TRIM14: variants seen among roughly 807,000 people sequenced by gnomAD.
The protein encoded by TRIM14 is tripartite motif-containing protein 14.
Under a neutral mutation model 44.5 loss-of-function variants are expected in TRIM14, and 28 were observed. That is an observed-to-expected ratio of 0.63 (90% CI 0.47 to 0.86). TRIM14 has a LOEUF of 0.86. Among genes scored for constraint, TRIM14 ranks in the 40% least tolerant of loss-of-function variants. The pLI is 0.00. For synonymous variants in TRIM14, 299 were observed against 269.2 expected (o/e 1.11, Z -1.08); for missense variants, 607 against 611.1 (o/e 0.99, Z 0.07).
downstream of TRIM14, chr9:98,080,745 T>C (rs1829815434): frequency 1.3e-6 from 2 of 1,501,390 alleles, no homozygotes; most frequent in Non-Finnish European, 1.8e-6. Flanking sequence ...CTCAACCAGA[T>C]ACGCTTCACC....
intron 6 of TRIM14, among the ~76,000 whole-genome samples, chr9:98,074,035 C>T (rs2117889254): frequency 6.6e-6 from 1 of 152,264 alleles, no homozygotes; most frequent in East Asian, 1.9e-4. Flanking sequence ...ATCCTCCTGC[C>T]TTGGCCTCCC....
intron 2 of TRIM14, among the ~76,000 whole-genome samples, chr9:98,108,635 A>G (rs1225645868): frequency 6.6e-6 from 1 of 151,872 alleles, no homozygotes; most frequent in East Asian, 2.0e-4. Flanking sequence ...GGTACTGTCT[A>G]TCTCCTAGCC....
rs138888915 is a variant in TRIM14, at chr9:98,074,069, G to A, written c.*29-4382C>T. On this transcript the variant is annotated intron_variant, in intron 6 of 6. Coordinates refer to the TRIM14 transcript ENST00000375098. ...CCAAAGTGCTGGGATTACAGGCATG[G>A]GCTACCATGCCTGGCCAGAATTAAT... Among the ~76,000 whole-genome samples the A allele has an allele frequency of 7.0e-3, 1,070 of 152,242 alleles. 8 individuals are homozygous for A. Among genetic ancestry groups the A allele is most frequent in the African/African-American group, 0.024 (1,012 of 41,534 alleles).
At chr9:98,060,313 C>A in the TRIM14 span, among the ~76,000 whole-genome samples, 8 of 152,146 alleles carry the variant, frequency 5.3e-5, no homozygotes. Flanking sequence ...GACTTTCTTG[C>A]CTTTTCTGTT....
the TRIM14 span, among the ~76,000 whole-genome samples, chr9:98,039,157 T>G: frequency 6.6e-6 from 1 of 152,126 alleles, no homozygotes; most frequent in South Asian, 2.1e-4. Context: ...CTCCCTCTTA[T>G]TTTTACTTTT....
Position 98,087,532 on chromosome 9 carries a change from C to T in TRIM14, c.1267G>A (p.Glu423Lys). 2 of 1,597,746 alleles carry T rather than the reference C, an allele frequency of 1.3e-6. No individual in the cohort carries two copies. The highest frequency in any genetic ancestry group is 1.1e-5 in the South Asian group (1 of 89,878). The change falls in exon 6 of 6, where the codon GAG becomes AAG. Residue 423 changes from glutamate (E) to lysine (K), a missense_variant. Coordinates refer to ENST00000341469, the MANE Select transcript of TRIM14 (RefSeq NM_014788.4). ...HLHTFRATFQ[E>K]PLYPALRLWE... Reference sequence around the variant, plus strand: ...AGCCGCAGGGCCGGGTAGAGCGGCTCCTGGAACGTGGCGCGGAAGGTATGC... The same window carrying T: ...AGCCGCAGGGCCGGGTAGAGCGGCTTCTGGAACGTGGCGCGGAAGGTATGC...
the TRIM14 span, among the ~76,000 whole-genome samples, chr9:98,055,975 G>A: frequency 2.0e-5 from 3 of 152,010 alleles, no homozygotes; most frequent in East Asian, 5.8e-4. Flanking sequence ...CCTGACCTCA[G>A]GTGATCTGCC....
At chr9:98,037,332 C>G in the TRIM14 span, among the ~76,000 whole-genome samples, 41,004 of 151,900 alleles carry the variant, frequency 0.27, 5,735 homozygotes, top group Admixed American at 0.31. Context: ...GAGCTGAGAT[C>G]GTGCCACTGC....
chr9:98,089,436 C>CA (rs998637377), intron 5 of TRIM14, among the ~76,000 whole-genome samples: 2 of 152,202 alleles, frequency 1.3e-5, no homozygotes, highest in African/African-American at 4.8e-5. Context: ...CTCAGCCTCC[C>CA]AAAGTGCTGT....
intron 2 of TRIM14, among the ~76,000 whole-genome samples, chr9:98,100,599 A>G (rs1826353611): frequency 6.6e-6 from 1 of 152,210 alleles, no homozygotes; most frequent in Admixed American, 6.5e-5. Context: ...CAATAAAGAG[A>G]AAACTGATAA....
At chr9:98,050,006 A>T in the TRIM14 span, among the ~76,000 whole-genome samples, 1 of 152,214 alleles carries the variant, frequency 6.6e-6, no homozygotes, top group East Asian at 1.9e-4. Flanking sequence ...GTAGAAGAAG[A>T]TTTATGGACA....
At chr9:98,037,381 C>T in the TRIM14 span, among the ~76,000 whole-genome samples, 3 of 151,762 alleles carry the variant, frequency 2.0e-5, no homozygotes, top group Admixed American at 6.6e-5. Context: ...CCATCTCAAA[C>T]AAACAAACAA....
chr9:98,078,148 C>T (rs1404549690), intron 6 of TRIM14: 1 of 1,613,044 alleles, frequency 6.2e-7, no homozygotes, highest in Non-Finnish European at 8.5e-7. Flanking sequence ...AGAGTCAGAA[C>T]CTCTAAAGAG....
At chr9:98,099,310 C>T (rs1184624168) in intron 3 of TRIM14, among the ~76,000 whole-genome samples, 7 of 151,800 alleles carry the variant, frequency 4.6e-5, no homozygotes, top group African/African-American at 1.2e-4. Context: ...AAATTAGCCA[C>T]GCATGGTGGC....
intron 1 of TRIM14, among the ~76,000 whole-genome samples, 195 bp downstream of exon 1, chr9:98,118,787 G>A (rs1564194023): frequency 6.6e-6 from 1 of 152,184 alleles, no homozygotes; most frequent in African/African-American, 2.4e-5. Flanking sequence ...GCTTTGGCTC[G>A]CCTTTGCCCT....
At chr9:98,061,366 A>C in the TRIM14 span, 5 of 217,006 alleles carry the variant, frequency 2.3e-5, no homozygotes, top group African/African-American at 6.9e-5. Context: ...AATCCCAGTT[A>C]CTTGGGAGGC....
chr9:98,072,432 G>A (rs1462204202), intron 6 of TRIM14, among the ~76,000 whole-genome samples: 4 of 148,850 alleles, frequency 2.7e-5, no homozygotes, highest in Non-Finnish European at 5.9e-5. Context: ...TTTTTTTTGA[G>A]ACGGAGTCTC....
intron 3 of TRIM14, among the ~76,000 whole-genome samples, chr9:98,098,969 G>A (rs576813208): frequency 9.2e-5 from 14 of 152,118 alleles, no homozygotes; most frequent in African/African-American, 3.1e-4. Context: ...AGGTGGTTTT[G>A]CCATGTTGGT....
the TRIM14 span, among the ~76,000 whole-genome samples, chr9:98,042,818 C>T: frequency 2.7e-5 from 4 of 150,492 alleles, no homozygotes; most frequent in Non-Finnish European, 5.9e-5. Flanking sequence ...TGCAGTGAGC[C>T]GAGATCACGC....
Sources: gnomAD v4.1 joint callset for allele counts (sites outside exome capture counted in the v4.1 genomes callset) on GRCh38, gnomAD v4.1.1 for gene constraint, MANE v1.5 for transcripts, NCBI Gene and HGNC (gene_info 2026-07-23, HGNC 2026-07-21) for gene names.